GMEB1: variants seen among roughly 807,000 people sequenced by gnomAD.
The protein encoded by GMEB1 is glucocorticoid modulatory element-binding protein 1.
GMEB1 carries 6 observed loss-of-function variants against 52.4 expected under a neutral mutation model. The observed-to-expected ratio is 0.11, with a 90% confidence interval of 0.06 to 0.23. The LOEUF is 0.23. Among genes scored for constraint, GMEB1 ranks in the 10% least tolerant of loss-of-function variants. The probability of loss-of-function intolerance (pLI) is 1.00; values close to 1 mark genes in which losing one functional copy is unlikely to be tolerated. For missense variants in GMEB1, 486 were observed against 685.6 expected (o/e 0.71, Z 3.25); for synonymous variants, 255 against 244.9 (o/e 1.04, Z -0.38).
At chr1:28,670,374 CTGGA>C (rs1448015083) in intron 1 of GMEB1, among the ~76,000 whole-genome samples, 1 of 150,962 alleles carries the variant, frequency 6.6e-6, no homozygotes, top group African/African-American at 2.4e-5. Flanking sequence ...GTTGCCCAGA[CTGGA>C]GTGCAATGGC....
intron 8 of GMEB1, among the ~76,000 whole-genome samples, chr1:28,706,295 G>A (rs958458961): frequency 2.0e-5 from 3 of 151,554 alleles, no homozygotes; most frequent in Admixed American, 6.6e-5. Flanking sequence ...GTAAAATGAC[G>A]TTCTAATCTA....
At chr1:28,681,996 G>A (rs1222422212) in intron 1 of GMEB1, among the ~76,000 whole-genome samples, 1 of 151,972 alleles carries the variant, frequency 6.6e-6, no homozygotes, top group Non-Finnish European at 1.5e-5. Flanking sequence ...GAGCCACCAC[G>A]CACGGCCCTG....
At chr1:28,670,099 A>C (rs1362614442) in intron 1 of GMEB1, among the ~76,000 whole-genome samples, 1 of 152,160 alleles carries the variant, frequency 6.6e-6, no homozygotes, top group Non-Finnish European at 1.5e-5. Flanking sequence ...TTGAGGGATT[A>C]TCTTCTTCCT....
At chr1:28,691,783 T>A (rs143019580) in intron 4 of GMEB1, 74 bp downstream of exon 4, 1 of 546,362 alleles carries the variant, frequency 1.8e-6, no homozygotes, top group East Asian at 3.6e-5. Flanking sequence ...CATGCATCCT[T>A]TTTATCTTCC....
intron 2 of GMEB1, among the ~76,000 whole-genome samples, chr1:28,688,903 C>T (rs12038553): frequency 6.0e-4 from 86 of 144,228 alleles, no homozygotes; most frequent in East Asian, 1.2e-3. Context: ...TTTTTTTTTT[C>T]TTTTTTGAGA....
Position 28,670,485 on chromosome 1 carries a change from A to G in GMEB1, c.-31+1646A>G, listed in dbSNP as rs560494792. On this transcript the variant is annotated intron_variant, in intron 1 of 9. Coordinates refer to ENST00000373816, the MANE Select transcript of GMEB1 (RefSeq NM_001319674.2). The stretch of plus-strand genomic sequence containing the variant: ...TGGGGCTACAGGCGCCCGCCACCAC[A>G]CCCAGCTAATTTTTGTATTTTTAAT... Among the ~76,000 whole-genome samples, 4 of 152,024 alleles carry G rather than the reference A, an allele frequency of 2.6e-5. No homozygotes were observed. In the East Asian group the frequency reaches 7.7e-4, roughly 29 times the overall value.
intron 7 of GMEB1, 126 bp from the exon 8 acceptor site, chr1:28,704,066 T>C (rs899883759): frequency 2.2e-6 from 2 of 904,776 alleles, no homozygotes; most frequent in Non-Finnish European, 3.2e-6. Context: ...ATTCCCTTTT[T>C]TCAGGAATGG....
At chr1:28,701,719 C>T (rs934712438) in intron 6 of GMEB1, among the ~76,000 whole-genome samples, 5 of 151,992 alleles carry the variant, frequency 3.3e-5, no homozygotes, top group Non-Finnish European at 7.4e-5. Flanking sequence ...CAGATGTGCA[C>T]CACCACACCC....
At chr1:28,684,843 A>G (rs1409201147) in intron 2 of GMEB1, among the ~76,000 whole-genome samples, 2 of 152,184 alleles carry the variant, frequency 1.3e-5, no homozygotes, top group East Asian at 1.9e-4. Flanking sequence ...CGTTCTGCAC[A>G]TGTATCCTAG....
At chr1:28,704,964 C>G (rs996587829) in intron 8 of GMEB1, among the ~76,000 whole-genome samples, 1 of 151,656 alleles carries the variant, frequency 6.6e-6, no homozygotes, top group Admixed American at 6.6e-5. Flanking sequence ...GCCTGTAGTC[C>G]CAGCTACTTG....
chr1:28,689,131 G>A (rs1484137424), intron 2 of GMEB1, among the ~76,000 whole-genome samples: 2 of 151,752 alleles, frequency 1.3e-5, no homozygotes, highest in Non-Finnish European at 2.9e-5. Context: ...CTCGTGATCC[G>A]CCCGCTTTGT....
chr1:28,691,603 C>A lies in GMEB1; in HGVS notation c.230C>A (p.Ala77Glu). The change falls in exon 4 of 10, where the codon GCA (alanine) becomes GAA (glutamate). Residue 77 changes from alanine to glutamate, a missense_variant. Ala to Glu is a moderately radical substitution (Grantham distance 107). Around this residue, in one of 5 missense-constraint regions of GMEB1, gnomAD observed 88 missense variants for 96.5 expected, o/e 0.91. Transcript: ENST00000373816. ...EEGIDTGTIE[A>E]NEDMEIAYPI... The stretch of plus-strand genomic sequence containing the variant: ...TTTTCAGATACAGGCACTATAGAAG[C>A]AAATGAGGATATGGAAATTGCTTAC... 2 of 1,559,278 alleles carry A rather than the reference C, an allele frequency of 1.3e-6. No homozygotes were observed. The highest frequency in any genetic ancestry group is 1.2e-5 in the South Asian group (1 of 84,542).
intron 1 of GMEB1, 96 bp from the exon 2 acceptor site, chr1:28,683,487 C>T: frequency 2.8e-6 from 3 of 1,066,392 alleles, no homozygotes; most frequent in Non-Finnish European, 4.0e-6. Context: ...GCTAGGCCTC[C>T]CAAAGTGCTG....
intron 6 of GMEB1, among the ~76,000 whole-genome samples, chr1:28,699,855 T>C (rs1203371211): frequency 1.3e-5 from 2 of 149,878 alleles, no homozygotes; most frequent in Non-Finnish European, 1.5e-5. Context: ...CAGGAGGATT[T>C]CTTGAGCCCA....
rs1340988410 is a variant in GMEB1 at position 28,687,825 on chromosome 1, A to G, written c.129-2279A>G. On this transcript the variant is annotated intron_variant, in intron 2 of 9. Coordinates refer to ENST00000373816, the MANE Select transcript of GMEB1 (RefSeq NM_001319674.2). ...GTGGAGTTGTGAAGGAGGAAATGAAACAAATCTAGTATGATTCCTAGATTT... is the reference window on the plus strand; with the variant it reads ...GTGGAGTTGTGAAGGAGGAAATGAAGCAAATCTAGTATGATTCCTAGATTT... 2.0e-5 allele frequency among the ~76,000 whole-genome samples: 3 copies of G among 151,944 alleles called. No homozygotes were observed. The Admixed American group carries it at 2.0e-4, about 10-fold the overall frequency.
At chr1:28,694,109 C>T (rs1670088047) in intron 5 of GMEB1, among the ~76,000 whole-genome samples, 1 of 150,924 alleles carries the variant, frequency 6.6e-6, no homozygotes, top group Non-Finnish European at 1.5e-5. Context: ...CTGATTTTGG[C>T]TGTGTTAAGA....
At chr1:28,691,486 A>G (rs1177959518) in intron 3 of GMEB1, 99 bp from the exon 4 acceptor site, 7 of 706,852 alleles carry the variant, frequency 9.9e-6, no homozygotes, top group African/African-American at 1.8e-5. Context: ...GCAAGAGTGA[A>G]GTATTAGTCC....
At chr1:28,713,933 A>G in intron 9 of GMEB1, 140 bp from the exon 10 acceptor site, 1 of 677,346 alleles carries the variant, frequency 1.5e-6, no homozygotes, top group Admixed American at 2.6e-5. Context: ...AAATAAGCAC[A>G]AGAAAGAAAA....
At chr1:28,674,720 T>TA (rs1415863342) in intron 1 of GMEB1, among the ~76,000 whole-genome samples, 14 of 128,472 alleles carry the variant, frequency 1.1e-4, no homozygotes, top group East Asian at 6.9e-4. Flanking sequence ...TTTTTTTTTT[T>TA]TTTTTTTTTT....
Sources: allele counts gnomAD v4.1 joint callset (sites outside exome capture counted in the v4.1 genomes callset), GRCh38; gene constraint gnomAD v4.1.1; regional missense constraint gnomAD v4.1.1; transcripts MANE v1.5; gene names NCBI Gene and HGNC (gene_info 2026-07-23, HGNC 2026-07-21).